Variants in KCNH3 observed in about 807,000 individuals in gnomAD.
The protein encoded by KCNH3 is voltage-gated inwardly rectifying potassium channel KCNH3.
A neutral mutation model predicts 95.6 loss-of-function variants in KCNH3; 36 were observed. That is an observed-to-expected ratio of 0.38 (90% CI 0.29 to 0.50). KCNH3 has a LOEUF of 0.50. Among genes scored for constraint, KCNH3 ranks in the 20% least tolerant of loss-of-function variants. The pLI, the probability that KCNH3 is intolerant of heterozygous loss-of-function variation, is 0.95. For missense variants in KCNH3, 1,030 were observed against 1,484.1 expected (o/e 0.69, Z 5.03); for synonymous variants, 620 against 646.3 (o/e 0.96, Z 0.62).
chr12:49,550,196 T>G lies in KCNH3; in HGVS notation c.1785T>G (p.Ser595=). 1 of 1,609,700 alleles carries G rather than the reference T, an allele frequency of 6.2e-7. No homozygotes were observed. The highest frequency in any genetic ancestry group is 1.1e-5 in the South Asian group (1 of 91,054). The stretch of plus-strand genomic sequence containing the variant: ...GCCGCGGCTGCCTGCGGGCACTGTC[T>G]CTGGCCCTGCGGCCCGCCTTCTGCA... The part of the protein sequence containing the change: ...AASRGCLRAL[S]LALRPAFCTP... Residue 595 remains serine (S), a synonymous_variant, in exon 10 of 15, where the codon TCT becomes TCG. Transcript: ENST00000257981.
At chr12:49,543,111 G>C (rs1592498714) in intron 4 of KCNH3, among the ~76,000 whole-genome samples, 164 bp from the exon 5 acceptor site, 1 of 152,302 alleles carries the variant, frequency 6.6e-6, no homozygotes, top group East Asian at 1.9e-4. Flanking sequence ...CTGATCTTCA[G>C]TTTTCTGATC....
intron 7 of KCNH3, among the ~76,000 whole-genome samples, chr12:49,547,348 T>C (rs1938095664): frequency 6.6e-6 from 1 of 152,248 alleles, no homozygotes; most frequent in African/African-American, 2.4e-5. Flanking sequence ...GCTACTTGCC[T>C]GTACTTGTCT....
chr12:49,553,385 G>A (rs144294496), intron 10 of KCNH3, among the ~76,000 whole-genome samples: 2,304 of 152,240 alleles, frequency 0.015, 52 homozygotes, highest in African/African-American at 0.051. Context: ...GAGCTCAAGC[G>A]ATCCTCCTGC....
At chr12:49,543,582 G>A in intron 5 of KCNH3, 64 bp downstream of exon 5, 1 of 1,557,512 alleles carries the variant, frequency 6.4e-7, no homozygotes. Flanking sequence ...GCTGGGGATA[G>A]TCCACGTGGC....
Position 49,543,406 on chromosome 12 carries a change from T to C in KCNH3, c.711T>C (p.Tyr237=). ...GCTTCATCCTGCTCGCCACACTCTATGTGGCTGTCACTGTGCCCTACAGCG... is the reference window on the plus strand; with the variant it reads ...GCTTCATCCTGCTCGCCACACTCTACGTGGCTGTCACTGTGCCCTACAGCG... ...WDGFILLATL[Y]VAVTVPYSVC... is the part of the protein sequence containing the mutation. Residue 237 remains tyrosine (Y), a synonymous_variant, in exon 5 of 15, where the codon TAT becomes TAC. Transcript: ENST00000257981. 1 of 1,610,754 alleles carries C rather than the reference T, an allele frequency of 6.2e-7. No homozygotes were observed. The highest frequency in any genetic ancestry group is 8.5e-7 in the Non-Finnish European group (1 of 1,180,006).
At position 49,541,143 on chromosome 12, in the gene KCNH3, A is replaced by C. The variant is rs1592496991; in HGVS notation, c.310+11A>C. 6.3e-7 allele frequency: 1 copy of C among 1,589,540 alleles called. No homozygotes were observed. The highest frequency in any genetic ancestry group is 1.3e-5 in the African/African-American group (1 of 74,784). On this transcript the variant is annotated intron_variant, in intron 2 of 14. Coordinates refer to ENST00000257981, the MANE Select transcript of KCNH3 (RefSeq NM_012284.3). ...TGTACCGGAAGAGCGGTGAGGGGCC[A>C]CCTGGCCAGCCTGCCTCACCTTTGC...
At chr12:49,546,167 T>C (rs1825990096) in intron 7 of KCNH3, 1 of 152,118 alleles carries the variant, frequency 6.6e-6, no homozygotes, top group African/African-American at 2.4e-5. Flanking sequence ...AAGAAGACCT[T>C]CAGCTCCCAA....
chr12:49,539,383 G>T lies in KCNH3; in HGVS notation c.-34G>T. Reference sequence around the variant, plus strand: ...CCCCGGCGCGGAGTCCCCGCACCCCGGAGGGATGGGGCGGGCAGCCGCGGG... The same window carrying T: ...CCCCGGCGCGGAGTCCCCGCACCCCTGAGGGATGGGGCGGGCAGCCGCGGG... On this transcript the variant is annotated 5_prime_UTR_variant, in exon 1 of 15. Transcript: ENST00000257981. This position sits in a 1 kb window ranked among gnomAD's most constrained non-coding sequence, Gnocchi z 6.7. 8 of 1,475,176 alleles carry T rather than the reference G, an allele frequency of 5.4e-6. No individual in the cohort carries two copies. Among genetic ancestry groups the T allele is most frequent in the Non-Finnish European group, 7.2e-6 (8 of 1,114,628 alleles). The allele number at this position is 1,475,176 out of a possible 1,614,324, so 91.4% of individuals were successfully genotyped here.
At chr12:49,545,869 G>A (rs1018761613) in intron 7 of KCNH3, among the ~76,000 whole-genome samples, 7 of 152,064 alleles carry the variant, frequency 4.6e-5, no homozygotes, top group Non-Finnish European at 8.8e-5. Flanking sequence ...TTTTCCCCAA[G>A]TGCTCTCACT....
intron 13 of KCNH3, 187 bp downstream of exon 13, chr12:49,556,663 T>A: frequency 1.4e-6 from 1 of 701,408 alleles, no homozygotes; most frequent in Non-Finnish European, 2.6e-6. Flanking sequence ...GCACTTTAAT[T>A]TCGACGCAGC....
At chr12:49,550,025 C>G in intron 9 of KCNH3, 55 bp from the exon 10 acceptor site, 2 of 1,517,232 alleles carry the variant, frequency 1.3e-6, no homozygotes, top group Non-Finnish European at 8.8e-7. Context: ...GGCTGGAGGC[C>G]ACCTCCTCTT....
chr12:49,540,052 G>A (rs914817954), intron 1 of KCNH3, among the ~76,000 whole-genome samples: 5 of 152,184 alleles, frequency 3.3e-5, no homozygotes, highest in African/African-American at 4.8e-5. Context: ...TCAGGACTGG[G>A]GAAGTTTGGA....
At position 49,549,432 on chromosome 12, in the gene KCNH3, C is replaced by T. The variant is rs749288091; in HGVS notation, c.1469-9C>T. ...CCCTAGGTGACCCCCTCTCGTCACC[C>T]TCCCCCAGCCCTGATGCACGCGGTG... On this transcript the variant is annotated splice_polypyrimidine_tract_variant and intron_variant, in intron 8 of 14. Coordinates refer to ENST00000257981, the MANE Select transcript of KCNH3 (RefSeq NM_012284.3). The T allele has an allele frequency of 5.6e-6, 9 of 1,612,826 alleles. No individual in the cohort carries two copies. In the Admixed American group the frequency reaches 6.7e-5, roughly 12 times the overall value.
chr12:49,555,182 T>C (rs1235279445), intron 11 of KCNH3, among the ~76,000 whole-genome samples: 1 of 151,518 alleles, frequency 6.6e-6, no homozygotes, highest in African/African-American at 2.4e-5. Flanking sequence ...GGCCCACGCC[T>C]GTAATCCCAG....
chr12:49,539,458 C>T lies in KCNH3; in HGVS notation c.42C>T (p.Phe14=), dbSNP rs755591617. 58 of 1,585,690 alleles carry T rather than the reference C, an allele frequency of 3.7e-5. No individual in the cohort carries two copies. Among genetic ancestry groups the T allele is most frequent in the Non-Finnish European group, 4.8e-5 (56 of 1,168,378 alleles). ...GCCTCCTGGCGCCGCAGAACACCTT[C>T]CTGGACACCATCGCTACGCGCTTCG... ...MRGLLAPQNT[F]LDTIATRFDG... Residue 14 remains phenylalanine, a synonymous_variant, in exon 1 of 15, where the codon TTC becomes TTT. Coordinates refer to ENST00000257981, the MANE Select transcript of KCNH3 (RefSeq NM_012284.3). This position sits in a 1 kb window ranked among gnomAD's most constrained non-coding sequence, Gnocchi z 6.7.
At position 49,557,759 on chromosome 12, in the gene KCNH3, CCTT is replaced by C; in HGVS notation, c.3061_3063del (p.Ser1021del). ...GCCCAGCACCCCTGCCTCCCCTCCT[CCTT>C]CTGAGGAAGGGGCTAGGACTGGGCC... is the stretch of plus-strand genomic sequence containing the variant. On this transcript the variant is annotated inframe_deletion, in exon 15 of 15. Coordinates refer to ENST00000257981, the MANE Select transcript of KCNH3 (RefSeq NM_012284.3). 1 of 1,612,912 alleles carries C rather than the reference CCTT, an allele frequency of 6.2e-7. No individual in the cohort carries two copies. The highest frequency in any genetic ancestry group is 1.1e-5 in the South Asian group (1 of 90,992).
At position 49,554,569 on chromosome 12, in the gene KCNH3, T is replaced by C; in HGVS notation, c.2136+15T>C. 6.2e-7 allele frequency: 1 copy of C among 1,601,364 alleles called. No homozygotes were observed. Among genetic ancestry groups the C allele is most frequent in the Non-Finnish European group, 8.5e-7 (1 of 1,171,106 alleles). On this transcript the variant is annotated intron_variant, in intron 11 of 14. Transcript: ENST00000257981. ...GCTCTGCAGAGGTGAGTGTGCTGAG[T>C]ATGTGCTTGGAGGGGATGGGGGTGC...
rs1938215492 is a variant in KCNH3, at chr12:49,550,231, A to T, written c.1820A>T (p.Glu607Val). 6.2e-7 allele frequency: 1 copy of T among 1,609,508 alleles called. No individual in the cohort carries two copies. ...CGGCCCGCCTTCTGCACGCCGGGCG[A>T]GTACCTCATCCACCAAGGCGATGCC... ...ALRPAFCTPG[E>V]YLIHQGDALQ... Residue 607 changes from glutamate (E) to valine (V), a missense_variant, in exon 10 of 15, where the codon GAG (glutamate) becomes GTG (valine). By Grantham distance (121) the Glu-to-Val change is moderately radical. Transcript: ENST00000257981.
At chr12:49,541,506 C>T in intron 2 of KCNH3, 124 bp from the exon 3 acceptor site, 2 of 1,162,146 alleles carry the variant, frequency 1.7e-6, no homozygotes, top group Non-Finnish European at 2.5e-6. Context: ...GACTGCCAGC[C>T]CTTCCCCCAG....
Sources: allele counts gnomAD v4.1 joint callset (sites outside exome capture counted in the v4.1 genomes callset), GRCh38; gene constraint gnomAD v4.1.1; non-coding constraint Gnocchi (gnomAD v3.1); transcripts MANE v1.5; gene names NCBI Gene and HGNC (gene_info 2026-07-23, HGNC 2026-07-21).